The following CAPSL variants were observed in gnomAD, a reference collection of about 807,000 sequenced individuals.
CAPSL encodes calcyphosine like, also known as calcyphosin-like protein.
In CAPSL, 17 loss-of-function variants were observed where a neutral mutation model predicts 21.3. That is an observed-to-expected ratio of 0.80 (90% CI 0.55 to 1.20). CAPSL has a LOEUF of 1.20. CAPSL is among the 50% of genes most tolerant of loss of function. The pLI is 0.00. For missense variants in CAPSL, 289 were observed against 259.3 expected, an observed-to-expected ratio of 1.11 and a Z score of -0.79; for synonymous variants, 102 against 89.3, an observed-to-expected ratio of 1.14 and a Z score of -0.80.
intron 2 of CAPSL, among the ~76,000 whole-genome samples, chr5:35,911,471 G>GA (rs544904566): frequency 1.2e-4 from 18 of 152,002 alleles, no homozygotes; most frequent in Non-Finnish European, 2.5e-4. Flanking sequence ...TAGTCATGAA[G>GA]AAAAAAATCA....
chr5:35,919,191 A>ATAT (rs1561439733), intron 2 of CAPSL, among the ~76,000 whole-genome samples: 1 of 107,450 alleles, frequency 9.3e-6, no homozygotes, highest in African/African-American at 3.3e-5. Context: ...ATATATATAT[A>ATAT]AAAATTGTGA....
chr5:35,906,644 T>G (rs1760685382), intron 4 of CAPSL, among the ~76,000 whole-genome samples: 1 of 152,184 alleles, frequency 6.6e-6, no homozygotes, highest in Non-Finnish European at 1.5e-5. Context: ...AAATAAAACC[T>G]AATTTGTGTA....
chr5:35,920,450 A>C (rs852252), intron 2 of CAPSL, among the ~76,000 whole-genome samples: 27,772 of 152,068 alleles, frequency 0.18, 3,385 homozygotes, highest in East Asian at 0.51. Flanking sequence ...TCAGTCCTTA[A>C]AACTATTCAC....
At chr5:35,936,425 C>A (rs1472931314) in intron 1 of CAPSL, among the ~76,000 whole-genome samples, 1 of 152,164 alleles carries the variant, frequency 6.6e-6, no homozygotes, top group African/African-American at 2.4e-5. Flanking sequence ...CAAAGTCAAA[C>A]TATTTTAAAG....
intron 1 of CAPSL, among the ~76,000 whole-genome samples, chr5:35,924,780 G>C (rs1344729434): frequency 6.6e-6 from 1 of 152,182 alleles, no homozygotes; most frequent in East Asian, 1.9e-4. Flanking sequence ...TTTGAATCCT[G>C]ATCTCCTGTA....
intron 1 of CAPSL, among the ~76,000 whole-genome samples, chr5:35,928,927 C>T (rs1184794816): frequency 6.6e-6 from 1 of 150,988 alleles, no homozygotes; most frequent in African/African-American, 2.4e-5. Flanking sequence ...GTAGATGCTG[C>T]GGCTGGGCAC....
intron 1 of CAPSL, among the ~76,000 whole-genome samples, chr5:35,938,304 T>C (rs1739005694): frequency 6.6e-6 from 1 of 152,128 alleles, no homozygotes; most frequent in South Asian, 2.1e-4. Context: ...TGAAATTTAT[T>C]TTTGTGCATT....
chr5:35,914,099 A>G (rs1340443798), intron 2 of CAPSL, among the ~76,000 whole-genome samples: 2 of 152,192 alleles, frequency 1.3e-5, no homozygotes, highest in Non-Finnish European at 2.9e-5. Flanking sequence ...ACAAAGATAA[A>G]AAGAGACAAA....
intron 2 of CAPSL, among the ~76,000 whole-genome samples, chr5:35,912,151 C>T (rs1046454657): frequency 9.2e-5 from 14 of 152,256 alleles, no homozygotes; most frequent in East Asian, 3.9e-4. Context: ...AAAGCAGCAG[C>T]GAGGCTGGGG....
rs754098152 is a variant in CAPSL, at chr5:35,919,170, A to AAAAAAT, written c.137+1813_137+1814insATTTTT. On this transcript the variant is annotated intron_variant, in intron 2 of 4. Coordinates refer to ENST00000651391, the MANE Select transcript of CAPSL (RefSeq NM_001042625.2). ...AGTATCTTTCCTGATTAAAAAAAAA[A>AAAAAAT]ATATATATATATATATATATAAAAA... 7.2e-3 allele frequency among the ~76,000 whole-genome samples: 874 copies of AAAAAAT among 121,236 alleles called. 4 individuals are homozygous for AAAAAAT. Among genetic ancestry groups the AAAAAAT allele is most frequent in the South Asian group, 0.035 (135 of 3,810 alleles). 79.5% of individuals were successfully genotyped at this position (121,236 alleles called of 152,430 possible).
intron 4 of CAPSL, among the ~76,000 whole-genome samples, chr5:35,905,876 G>A (rs926619566): frequency 2.6e-5 from 4 of 152,196 alleles, no homozygotes; most frequent in Non-Finnish European, 5.9e-5. Context: ...CCCCACACCT[G>A]CTAAATCAGA....
At position 35,909,754 on chromosome 5, in the gene CAPSL, A is replaced by T. The variant is rs541317587; in HGVS notation, c.525+112T>A. The T allele has an allele frequency of 1.3e-4, 115 of 918,160 alleles. No individual in the cohort carries two copies. The African/African-American group carries it at 1.8e-3, about 14-fold the overall frequency. The allele number at this position is 918,160 out of a possible 1,614,324, so 56.9% of individuals were successfully genotyped here. A position where few individuals can be genotyped will look rare whatever the true frequency, so the allele number is the denominator to read the frequency against. The stretch of plus-strand genomic sequence containing the variant: ...GTTCCTAGGGAAATAGTTTACTTCT[A>T]TTTACAACAAATATGGTATCAATGT... On this transcript the variant is annotated intron_variant, in intron 4 of 4. Coordinates refer to ENST00000651391, the MANE Select transcript of CAPSL (RefSeq NM_001042625.2).
In CAPSL at chr5:35,931,593, G is replaced by A. The variant is rs537038280; in HGVS notation, c.-1+6948C>T. Among the ~76,000 whole-genome samples the A allele has an allele frequency of 5.3e-5, 8 of 152,088 alleles. No individual in the cohort carries two copies. The South Asian group carries it at 1.5e-3, about 28-fold the overall frequency. On this transcript the variant is annotated intron_variant, in intron 1 of 4. Coordinates refer to ENST00000651391, the MANE Select transcript of CAPSL (RefSeq NM_001042625.2). ...CCATCTTGCTTTTTTTCCCTTTGCT[G>A]TGCCTTGAGTCTCTGGGGTTTTTAC...
chr5:35,917,231 A>G (rs1296121), intron 2 of CAPSL, among the ~76,000 whole-genome samples: 9 of 152,070 alleles, frequency 5.9e-5, no homozygotes, highest in Non-Finnish European at 7.4e-5. Context: ...TGCTGGAGAG[A>G]ATGTGGAGAA....
In CAPSL at chr5:35,909,948, T is replaced by G; in HGVS notation, c.443A>C (p.Tyr148Ser). ...TTCCTCACTCCATTCCCCATTCTGG[T>G]ACTTTGGGTGGTGTTTTGCATTATA... ...EVYNAKHHPK[Y>S]QNGEWSEEQV... Residue 148 changes from tyrosine (Y) to serine (S), a missense_variant, in exon 4 of 5, where the codon TAC (tyrosine) becomes TCC (serine). By Grantham distance (144) the Tyr-to-Ser change is moderately radical. Transcript: ENST00000651391. 6.2e-7 allele frequency: 1 copy of G among 1,613,922 alleles called. No individual in the cohort carries two copies. Among genetic ancestry groups the G allele is most frequent in the Admixed American group, 1.7e-5 (1 of 59,990 alleles).
At chr5:35,911,811 A>C (rs1738230752) in intron 2 of CAPSL, among the ~76,000 whole-genome samples, 1 of 152,210 alleles carries the variant, frequency 6.6e-6, no homozygotes, top group Non-Finnish European at 1.5e-5. Context: ...TGCAGAAGAC[A>C]GGTGATTTCT....
At chr5:35,926,326 A>G (rs1738682797) in intron 1 of CAPSL, among the ~76,000 whole-genome samples, 1 of 152,168 alleles carries the variant, frequency 6.6e-6, no homozygotes, top group South Asian at 2.1e-4. Flanking sequence ...CTCACCCTCC[A>G]GTGGCTGGCA....
At chr5:35,919,160 T>TTTAAAAAA (rs139738118) in intron 2 of CAPSL, among the ~76,000 whole-genome samples, 3 of 129,184 alleles carry the variant, frequency 2.3e-5, no homozygotes, top group Non-Finnish European at 4.8e-5. Context: ...CTTTCCTGAT[T>TTTAAAAAA]AAAAAAAAAA....
At chr5:35,925,700 G>C (rs1240852822) in intron 1 of CAPSL, among the ~76,000 whole-genome samples, 1 of 152,016 alleles carries the variant, frequency 6.6e-6, no homozygotes, top group Non-Finnish European at 1.5e-5. Context: ...AAAGGAAAAA[G>C]TCTTCTTAAA....
Sources: allele counts gnomAD v4.1 joint callset (sites outside exome capture counted in the v4.1 genomes callset), GRCh38; gene constraint gnomAD v4.1.1; transcripts MANE v1.5; gene names NCBI Gene and HGNC (gene_info 2026-07-23, HGNC 2026-07-21).